The following CCNF variants were observed in gnomAD, a reference collection of about 807,000 sequenced individuals.
CCNF encodes the protein cyclin-F.
A neutral mutation model predicts 85.4 loss-of-function variants in CCNF; 30 were observed. The ratio of observed to expected loss-of-function variants is 0.35; its 90% CI spans 0.26 to 0.48. CCNF has a LOEUF of 0.48. Among genes scored for constraint, CCNF ranks in the 20% least tolerant of loss-of-function variants. CCNF has a pLI of 0.99. For synonymous variants in CCNF, 439 were observed against 425.1 expected, an observed-to-expected ratio of 1.03 and a Z score of -0.40; for missense variants, 919 against 1,010.4, an observed-to-expected ratio of 0.91 and a Z score of 1.23.
At chr16:2,429,931 C>G (rs2065254524) in intron 1 of CCNF, among the ~76,000 whole-genome samples, 1 of 152,206 alleles carries the variant, frequency 6.6e-6, no homozygotes, top group Admixed American at 6.5e-5. Context: ...GGCCGTGGAC[C>G]TAGCTCTGTG....
In CCNF at chr16:2,433,059, C is replaced by A; in HGVS notation, c.270C>A (p.Leu90=). ...ELWPSPGNLK[L]FERAAEKGNF... ...GGCCGTCTCCAGGGAACCTGAAGCT[C>A]TTTGAAAGGTATCTCTGCACCCTGA... is the stretch of plus-strand genomic sequence containing the variant. Residue 90 remains leucine (L), a synonymous_variant, in exon 3 of 17, where the codon CTC becomes CTA. Coordinates refer to ENST00000397066, the MANE Select transcript of CCNF (RefSeq NM_001761.3). 6.2e-7 allele frequency: 1 copy of A among 1,604,014 alleles called. No homozygotes were observed.
chr16:2,435,694 TATATATATATTCA>T (rs2065287217), intron 3 of CCNF, 99 bp from the exon 4 acceptor site: 1 of 413,230 alleles, frequency 2.4e-6, no homozygotes, highest in African/African-American at 2.1e-5. Flanking sequence ...TATATATATA[TATATATATATTCA>T]ATTCAGGGAA....
intron 8 of CCNF, among the ~76,000 whole-genome samples, chr16:2,442,914 T>A (rs1312945228): frequency 9.1e-5 from 6 of 65,828 alleles, no homozygotes; most frequent in Non-Finnish European, 1.2e-4. Flanking sequence ...AATATATAAA[T>A]ATATATTAAT....
intron 9 of CCNF, among the ~76,000 whole-genome samples, chr16:2,444,902 T>A (rs903559712): frequency 9.2e-5 from 1 of 10,920 alleles, no homozygotes; most frequent in Non-Finnish European, 1.4e-4. Context: ...TTGAACATCT[T>A]TTTTTTTTTT....
At chr16:2,430,476 C>T (rs917023381) in intron 1 of CCNF, among the ~76,000 whole-genome samples, 1 of 152,108 alleles carries the variant, frequency 6.6e-6, no homozygotes, top group African/African-American at 2.4e-5. Flanking sequence ...TTAATGATTG[C>T]ATCTGTACAC....
intron 10 of CCNF, 143 bp downstream of exon 10, chr16:2,445,765 T>C (rs2065359269): frequency 2.5e-6 from 2 of 790,678 alleles, no homozygotes; most frequent in South Asian, 1.9e-5. Context: ...TCTCGCTCTG[T>C]CACCCAGGCT....
Position 2,453,171 on chromosome 16 carries a change from G to T in CCNF, c.1488-39G>T. 3 of 1,560,920 alleles carry T rather than the reference G, an allele frequency of 1.9e-6. No individual in the cohort carries two copies. The highest frequency in any genetic ancestry group is 2.6e-6 in the Non-Finnish European group (3 of 1,132,286). On this transcript the variant is annotated intron_variant, in intron 13 of 16. Coordinates refer to ENST00000397066, the MANE Select transcript of CCNF (RefSeq NM_001761.3). This position sits in a 1 kb window ranked among gnomAD's most constrained non-coding sequence, Gnocchi z 5.6. ...GAACTGAAGCTAAAAATGGGGTGGG[G>T]GTGCCTCACATGTCCACTCCACGTG... is the stretch of plus-strand genomic sequence containing the variant.
chr16:2,432,900 C>T (rs2065269740), intron 2 of CCNF, 61 bp from the exon 3 acceptor site: 1 of 1,004,960 alleles, frequency 1.0e-6, no homozygotes, highest in Non-Finnish European at 1.5e-6. Flanking sequence ...CAAGAGCCTC[C>T]AGGTGTGGGG....
chr16:2,447,649 G>A (rs1045806486), intron 10 of CCNF, among the ~76,000 whole-genome samples: 1 of 152,122 alleles, frequency 6.6e-6, no homozygotes, highest in Non-Finnish European at 1.5e-5. Flanking sequence ...TACTTGGGAG[G>A]CTGAGGCATG....
At chr16:2,449,157 G>A (rs777297170) in intron 11 of CCNF, 125 bp from the exon 12 acceptor site, 14 of 1,437,558 alleles carry the variant, frequency 9.7e-6, no homozygotes, top group Non-Finnish European at 1.4e-5. Flanking sequence ...ATCTGCGCTG[G>A]TGCGCTACGC....
At position 2,452,054 on chromosome 16, in the gene CCNF, G is replaced by A. The variant is rs1315597138; in HGVS notation, c.1488-1156G>A. Among the ~76,000 whole-genome samples the A allele has an allele frequency of 1.3e-5, 2 of 152,336 alleles. No individual in the cohort carries two copies. Among genetic ancestry groups the A allele is most frequent in the African/African-American group, 2.4e-5 (1 of 41,580 alleles). On this transcript the variant is annotated intron_variant, in intron 13 of 16. Coordinates refer to ENST00000397066, the MANE Select transcript of CCNF (RefSeq NM_001761.3). The surrounding 1 kb of genome is among the most constrained non-coding windows in gnomAD (Gnocchi z 4.1). ...GCTGCTTCTCCATCCCTGCATCCTCGTCAGTGCAGTTTCCTCGTGCGCTCA... is the reference window on the plus strand; with the variant it reads ...GCTGCTTCTCCATCCCTGCATCCTCATCAGTGCAGTTTCCTCGTGCGCTCA...
rs777084475 is a variant in CCNF, at chr16:2,457,149, G to A, written c.*129G>A. 1.9e-5 allele frequency: 13 copies of A among 681,318 alleles called. No individual in the cohort carries two copies. The highest frequency in any genetic ancestry group is 3.1e-5 in the Non-Finnish European group (13 of 416,224). The allele number at this position is 681,318 out of a possible 1,614,324, so 42.2% of individuals were successfully genotyped here. A position where few individuals can be genotyped will look rare whatever the true frequency, so the allele number is the denominator to read the frequency against. ...CAGAGAGCAGAGAGGATGACTTGCG[G>A]CCACCAAGTTTCTGTCTCCGCGGGA... On this transcript the variant is annotated 3_prime_UTR_variant, in exon 17 of 17. Coordinates refer to ENST00000397066, the MANE Select transcript of CCNF (RefSeq NM_001761.3).
At chr16:2,442,218 A>G (rs552086108) in intron 8 of CCNF, among the ~76,000 whole-genome samples, 1 of 140,988 alleles carries the variant, frequency 7.1e-6, no homozygotes, top group East Asian at 2.1e-4. Flanking sequence ...CATGTTAGCC[A>G]GGATGGTCTG....
Position 2,448,988 on chromosome 16 carries a change from G to A in CCNF, c.1218+10G>A, listed in dbSNP as rs780598425. 1.1e-5 allele frequency: 18 copies of A among 1,607,124 alleles called. No homozygotes were observed. The highest frequency in any genetic ancestry group is 1.6e-4 in the Middle Eastern group (1 of 6,076). On this transcript the variant is annotated intron_variant, in intron 11 of 16. Transcript: ENST00000397066. ...GGAAGGGAAGATTCGAGTAAGCAGC[G>A]GTTCCATTTTCCTTATTAATCTTCG...
At chr16:2,432,831 G>T in intron 2 of CCNF, 130 bp from the exon 3 acceptor site, 1 of 567,170 alleles carries the variant, frequency 1.8e-6, no homozygotes, top group Non-Finnish European at 3.2e-6. Flanking sequence ...AGAGATTGGG[G>T]ACCTCAACTA....
rs751851010 is a variant in CCNF at position 2,443,816 on chromosome 16, C to T, written c.929+16C>T. ...ACACAATGAGGTGAGGCATTCAGGC[C>T]GGGGCTTCTAATCAGAGCGGCGCGG... On this transcript the variant is annotated intron_variant, in intron 9 of 16. Coordinates refer to ENST00000397066, the MANE Select transcript of CCNF (RefSeq NM_001761.3). The T allele has an allele frequency of 1.9e-5, 30 of 1,613,028 alleles. No homozygotes were observed. The East Asian group carries it at 2.0e-4, about 11-fold the overall frequency.
chr16:2,458,590 C>G lies in CCNF; in HGVS notation c.*1570C>G, dbSNP rs1477891826. 6.6e-6 allele frequency: 1 copy of G among 152,318 alleles called. No individual in the cohort carries two copies. Among genetic ancestry groups the G allele is most frequent in the Non-Finnish European group, 1.5e-5 (1 of 68,130 alleles). The allele number at this position is 152,318 out of a possible 1,614,324, so 9.4% of individuals were successfully genotyped here. A position where few individuals can be genotyped will look rare whatever the true frequency, so the allele number is the denominator to read the frequency against. ...ACCGGAAACCCAGGGATGGGAGATG[C>G]TCACTGAGCTGCTGCTTTTATGTGT... On this transcript the variant is annotated 3_prime_UTR_variant, in exon 17 of 17. Transcript: ENST00000397066.
At position 2,452,108 on chromosome 16, in the gene CCNF, G is replaced by A. The variant is rs991170566; in HGVS notation, c.1488-1102G>A. On this transcript the variant is annotated intron_variant, in intron 13 of 16. Coordinates refer to ENST00000397066, the MANE Select transcript of CCNF (RefSeq NM_001761.3). This position sits in a 1 kb window ranked among gnomAD's most constrained non-coding sequence, Gnocchi z 4.1. The stretch of plus-strand genomic sequence containing the variant: ...CTTGGGGACTGGAGCTATCCGTGGC[G>A]GCTGCCCGGCCTCCTGGAACACTGT... Among the ~76,000 whole-genome samples, 7 of 152,214 alleles carry A rather than the reference G, an allele frequency of 4.6e-5. No individual in the cohort carries two copies. The highest frequency in any genetic ancestry group is 7.4e-5 in the Non-Finnish European group (5 of 68,026).
chr16:2,429,604 G>C, intron 1 of CCNF, 107 bp downstream of exon 1: 1 of 1,080,490 alleles, frequency 9.3e-7, no homozygotes, highest in East Asian at 3.3e-5. Flanking sequence ...GGCCTGAAGA[G>C]GGCTGGCTCG....
Sources: gnomAD v4.1 joint callset for allele counts (sites outside exome capture counted in the v4.1 genomes callset) on GRCh38, gnomAD v4.1.1 for gene constraint, Gnocchi (gnomAD v3.1) non-coding constraint, MANE v1.5 for transcripts, NCBI Gene and HGNC (gene_info 2026-07-23, HGNC 2026-07-21) for gene names.